The following SANBR variants were observed in gnomAD, a reference collection of about 807,000 sequenced individuals.
SANBR encodes the protein SANT and BTB domain regulator of class switch recombination.
SANBR carries 77 observed loss-of-function variants against 101.8 expected under a neutral mutation model. The ratio of observed to expected loss-of-function variants is 0.76; its 90% CI spans 0.63 to 0.91. SANBR has a LOEUF of 0.91. SANBR is among the 40% of genes least tolerant of loss of function. SANBR has a pLI of 0.00. For missense variants in SANBR, 875 were observed against 853.0 expected (o/e 1.03, Z -0.32); for synonymous variants, 279 against 274.7 (o/e 1.02, Z -0.15).
At chr2:61,097,109 G>A (rs752760382) in intron 11 of SANBR, among the ~76,000 whole-genome samples, 14 of 152,116 alleles carry the variant, frequency 9.2e-5, no homozygotes, top group Non-Finnish European at 1.8e-4. Context: ...AGGCTAGATG[G>A]CACCACTTCA....
chr2:61,094,493 C>G (rs531288059), intron 11 of SANBR, among the ~76,000 whole-genome samples: 63 of 152,172 alleles, frequency 4.1e-4, no homozygotes, highest in African/African-American at 1.4e-3. Flanking sequence ...TGTTGTATGA[C>G]TATATCACAG....
At chr2:61,112,284 A>G (rs574187354) in intron 16 of SANBR, among the ~76,000 whole-genome samples, 1 of 152,302 alleles carries the variant, frequency 6.6e-6, no homozygotes, top group South Asian at 2.1e-4. Flanking sequence ...TAGTGGGTAG[A>G]TAGTGTTAAG....
intron 17 of SANBR, chr2:61,117,075 C>G: frequency 2.4e-6 from 1 of 410,984 alleles, no homozygotes; most frequent in African/African-American, 2.0e-5. Context: ...AAAAAAATTG[C>G]ATAAGCTGGG....
In SANBR at chr2:61,102,365, CAAAAAAAAAAAAA is replaced by C. The variant is rs35795015; in HGVS notation, c.1366-1473_1366-1461del. 6.7e-5 allele frequency among the ~76,000 whole-genome samples: 4 copies of C among 59,434 alleles called. No individual in the cohort carries two copies. In the East Asian group the frequency reaches 2.0e-3, roughly 30 times the overall value. The allele number at this position is 59,434 out of a possible 152,430, so 39.0% of individuals were successfully genotyped here. A position where few individuals can be genotyped will look rare whatever the true frequency, so the allele number is the denominator to read the frequency against. Reference sequence around the variant, plus strand: ...CTAGCAACAGAGCAAGACTGTGTCTCAAAAAAAAAAAAAAAAAAAAAAAAAAATTGGAGAAAGA... The same window carrying C: ...CTAGCAACAGAGCAAGACTGTGTCTCAAAAAAAAAAAAAATTGGAGAAAGA... On this transcript the variant is annotated intron_variant, in intron 12 of 21. Coordinates refer to ENST00000402291, the MANE Select transcript of SANBR (RefSeq NM_001129993.3).
At chr2:61,079,588 C>T (rs896131458) in intron 6 of SANBR, among the ~76,000 whole-genome samples, 1 of 152,040 alleles carries the variant, frequency 6.6e-6, no homozygotes, top group Non-Finnish European at 1.5e-5. Context: ...TCCAGAGATT[C>T]CAGACTAACC....
intron 6 of SANBR, among the ~76,000 whole-genome samples, chr2:61,081,076 T>C (rs1488396372): frequency 6.6e-6 from 1 of 152,206 alleles, no homozygotes; most frequent in Non-Finnish European, 1.5e-5. Context: ...CTCTTTAAAT[T>C]AGCTTTTCTA....
In SANBR at chr2:61,115,968, C is replaced by T. The variant is rs1196352749; in HGVS notation, c.1745-11C>T. On this transcript the variant is annotated splice_polypyrimidine_tract_variant and intron_variant, in intron 16 of 21. Coordinates refer to ENST00000402291, the MANE Select transcript of SANBR (RefSeq NM_001129993.3). ...GGGCCTAAGTTTATAACATTGTCTT[C>T]TCATTATCAGGGAAAAAGGAGAAGC... 3 of 1,576,236 alleles carry T rather than the reference C, an allele frequency of 1.9e-6. No homozygotes were observed. The highest frequency in any genetic ancestry group is 1.4e-5 in the African/African-American group (1 of 73,494).
At chr2:61,078,404 A>T (rs765825139) in intron 6 of SANBR, among the ~76,000 whole-genome samples, 1 of 152,096 alleles carries the variant, frequency 6.6e-6, no homozygotes, top group African/African-American at 2.4e-5. Flanking sequence ...TTTGCAAAAA[A>T]TATCAAACAG....
chr2:61,070,240 G>C, intron 2 of SANBR, 102 bp from the exon 3 acceptor site: 2 of 784,882 alleles, frequency 2.5e-6, no homozygotes, highest in Non-Finnish European at 3.8e-6. Context: ...CCTTTACATG[G>C]TAGCAGATAA....
intron 12 of SANBR, 43 bp from the exon 13 acceptor site, chr2:61,103,810 C>A: frequency 6.3e-7 from 1 of 1,582,242 alleles, no homozygotes; most frequent in Non-Finnish European, 8.7e-7. Flanking sequence ...AAGGAGTGTT[C>A]TATAACAAAC....
intron 10 of SANBR, 61 bp from the exon 11 acceptor site, chr2:61,092,403 A>T: frequency 7.8e-7 from 1 of 1,273,908 alleles, no homozygotes; most frequent in South Asian, 1.9e-5. Context: ...TAATAATTAA[A>T]TAAATAAATA....
intron 12 of SANBR, among the ~76,000 whole-genome samples, chr2:61,099,337 A>G (rs1056203313): frequency 1.3e-5 from 2 of 152,252 alleles, no homozygotes; most frequent in Admixed American, 6.5e-5. Context: ...AGCTTGGACC[A>G]GAGCAGTGAA....
At position 61,071,632 on chromosome 2, in the gene SANBR, G is replaced by A. The variant is rs1261890173; in HGVS notation, c.177G>A (p.Lys59=). The change falls in exon 4 of 22, where the codon AAG becomes AAA. Residue 59 remains lysine (K), a synonymous_variant. Coordinates refer to ENST00000402291, the MANE Select transcript of SANBR (RefSeq NM_001129993.3). ...GTGCAAAAAGGTTTGATGAATTAAAGAGCAGTGGAAGCTCGCCTGTTGACA... is the reference window on the plus strand; with the variant it reads ...GTGCAAAAAGGTTTGATGAATTAAAAAGCAGTGGAAGCTCGCCTGTTGACA... The part of the protein sequence containing the change: ...KECAKRFDEL[K]SSGSSPVDNQ... 8 of 1,569,080 alleles carry A rather than the reference G, an allele frequency of 5.1e-6. No individual in the cohort carries two copies. In the Admixed American group the frequency reaches 1.1e-4, roughly 21 times the overall value.
intron 17 of SANBR, 47 bp downstream of exon 17, chr2:61,116,117 ATG>A (rs1491106060): frequency 7.8e-7 from 1 of 1,275,460 alleles, no homozygotes; most frequent in Non-Finnish European, 1.1e-6. Context: ...AAAAATAAGC[ATG>A]TGAGTATAGC....
At position 61,073,448 on chromosome 2, in the gene SANBR, T is replaced by G; in HGVS notation, c.338-10T>G. The G allele has an allele frequency of 7.1e-7, 1 of 1,403,582 alleles. No homozygotes were observed. The highest frequency in any genetic ancestry group is 9.8e-7 in the Non-Finnish European group (1 of 1,016,488). The allele number at this position is 1,403,582 out of a possible 1,614,324, so 86.9% of individuals were successfully genotyped here. A position where few individuals can be genotyped will look rare whatever the true frequency, so the allele number is the denominator to read the frequency against. On this transcript the variant is annotated splice_polypyrimidine_tract_variant and intron_variant, in intron 4 of 21. Coordinates refer to ENST00000402291, the MANE Select transcript of SANBR (RefSeq NM_001129993.3). ...TTTTTTTTTTGTATGTGTTTGTTTC[T>G]GTATTTAAGGAAGACATAGTATAGC... is the stretch of plus-strand genomic sequence containing the variant.
Position 61,116,053 on chromosome 2 carries a change from GA to G in SANBR, c.1823del (p.Lys608ArgfsTer16). 1.9e-6 allele frequency: 3 copies of G among 1,608,132 alleles called. No homozygotes were observed. The highest frequency in any genetic ancestry group is 1.7e-5 in the Admixed American group (1 of 58,572). On this transcript the variant is annotated frameshift_variant, in exon 17 of 22. Coordinates refer to ENST00000402291, the MANE Select transcript of SANBR (RefSeq NM_001129993.3). LOFTEE classifies it high-confidence loss of function. ...QVSSPCAQRK[E>X]KALEKSASRD... is the part of the protein sequence containing the mutation. ...ATCTTCACCCTGTGCCCAGAGGAAA[GA>G]AAAGGCATTGGAGAAGGTAACTCTG... is the stretch of plus-strand genomic sequence containing the variant.
Position 61,123,354 on chromosome 2 carries a change from C to A in SANBR, c.*1192C>A, listed in dbSNP as rs1684408516. On this transcript the variant is annotated 3_prime_UTR_variant, in exon 22 of 22. Transcript: ENST00000402291. ...TTTCCATTGAAATATTGAAGTGTTA[C>A]ACTCAGTTTACACGTACAGAAATCA... The A allele has an allele frequency of 2.1e-6, 2 of 974,920 alleles. No homozygotes were observed. Among genetic ancestry groups the A allele is most frequent in the South Asian group, 4.8e-5 (1 of 21,040 alleles). The allele number at this position is 974,920 out of a possible 1,614,324, so 60.4% of individuals were successfully genotyped here.
At position 61,103,996 on chromosome 2, in the gene SANBR, T is replaced by G. The variant is rs190369936; in HGVS notation, c.1509T>G (p.Val503=). 1.1e-3 allele frequency: 1,840 copies of G among 1,613,986 alleles called. 34 individuals are homozygous for G. In the Admixed American group the frequency reaches 0.029, roughly 26 times the overall value. Reference sequence around the variant, plus strand: ...TTGTGCCTTTTTCAAAAGATACAGTTAGGTGAGGGGTGGAAAAACCCAACA... The same window carrying G: ...TTGTGCCTTTTTCAAAAGATACAGTGAGGTGAGGGGTGGAAAAACCCAACA... ...VIVVPFSKDT[V]SDVGVGLCDE... is the part of the protein sequence containing the mutation. The change falls in exon 13 of 22, where the codon GTT becomes GTG. Residue 503 remains valine, a splice_region_variant and synonymous_variant. Coordinates refer to ENST00000402291, the MANE Select transcript of SANBR (RefSeq NM_001129993.3).
At position 61,070,476 on chromosome 2, in the gene SANBR, C is replaced by G; in HGVS notation, c.126C>G (p.Leu42=). The G allele has an allele frequency of 1.2e-6, 2 of 1,605,598 alleles. No individual in the cohort carries two copies. The highest frequency in any genetic ancestry group is 1.7e-6 in the Non-Finnish European group (2 of 1,176,910). The change falls in exon 3 of 22, where the codon CTC becomes CTG. Residue 42 remains leucine, a synonymous_variant. Coordinates refer to ENST00000402291, the MANE Select transcript of SANBR (RefSeq NM_001129993.3). The part of the protein sequence containing the change: ...QTINWETIAR[L]VPGLTPKECA... ...TCAACTGGGAAACTATAGCAAGGCT[C>G]GTGCCTGGATTAACACCAAAAGAGG...
Sources: allele counts gnomAD v4.1 joint callset (sites outside exome capture counted in the v4.1 genomes callset), GRCh38; gene constraint gnomAD v4.1.1; transcripts MANE v1.5; gene names NCBI Gene and HGNC (gene_info 2026-07-23, HGNC 2026-07-21).